Variants in SLC35F3 observed in about 807,000 individuals in gnomAD.
SLC35F3 encodes solute carrier family 35 member F3, also known as putative thiamine transporter SLC35F3.
In SLC35F3, 25 loss-of-function variants were observed where a neutral mutation model predicts 49.9. That is an observed-to-expected ratio of 0.50 (90% confidence interval 0.37 to 0.70). SLC35F3 has a LOEUF of 0.70. SLC35F3 is among the 30% of genes least tolerant of loss of function. The pLI is 0.00. For missense variants in SLC35F3, 525 were observed against 639.8 expected (o/e 0.82, Z 1.94); for synonymous variants, 275 against 265.4 (o/e 1.04, Z -0.35).
chr1:234,151,572 T>A (rs1572071165), intron 2 of SLC35F3, among the ~76,000 whole-genome samples: 1 of 147,618 alleles, frequency 6.8e-6, no homozygotes. Context: ...AACTCAGAAA[T>A]GAGGAAAGAG....
At chr1:233,988,063 T>A (rs1663294300) in intron 2 of SLC35F3, among the ~76,000 whole-genome samples, 1 of 152,216 alleles carries the variant, frequency 6.6e-6, no homozygotes, top group East Asian at 1.9e-4. Context: ...TCCTCTCATG[T>A]CTGTGATTTT....
chr1:234,191,629 CA>C (rs923805164), intron 2 of SLC35F3, among the ~76,000 whole-genome samples: 3 of 127,820 alleles, frequency 2.3e-5, no homozygotes, highest in African/African-American at 8.7e-5. Context: ...GAAACAACAA[CA>C]AAAAAAAATA....
intron 2 of SLC35F3, among the ~76,000 whole-genome samples, chr1:233,940,041 T>C (rs1662395769): frequency 6.6e-6 from 1 of 152,184 alleles, no homozygotes; most frequent in South Asian, 2.1e-4. Flanking sequence ...CCACTATTTA[T>C]ATATTGGGAT....
At chr1:234,264,325 C>T (rs958627932) in intron 3 of SLC35F3, among the ~76,000 whole-genome samples, 1 of 152,202 alleles carries the variant, frequency 6.6e-6, no homozygotes, top group Non-Finnish European at 1.5e-5. Context: ...ATGTTCATCG[C>T]TCATTATAAT....
intron 2 of SLC35F3, among the ~76,000 whole-genome samples, chr1:233,933,035 TAAAAA>T (rs59669736): frequency 7.4e-6 from 1 of 134,944 alleles, no homozygotes; most frequent in Non-Finnish European, 1.6e-5. Context: ...GCTATTTAAG[TAAAAA>T]AAAAAAAAAA....
intron 2 of SLC35F3, among the ~76,000 whole-genome samples, chr1:234,181,835 T>C: frequency 6.6e-6 from 1 of 152,254 alleles, no homozygotes; most frequent in East Asian, 1.9e-4. Flanking sequence ...TGGTTCTGTG[T>C]ATTTTCATCA....
intron 2 of SLC35F3, among the ~76,000 whole-genome samples, chr1:234,122,633 C>T (rs572034200): frequency 1.3e-5 from 2 of 152,216 alleles, no homozygotes; most frequent in Admixed American, 6.5e-5. Context: ...CCCCATGGCC[C>T]AACAGGCCTC....
intron 2 of SLC35F3, among the ~76,000 whole-genome samples, chr1:234,170,568 C>T (rs975310860): frequency 1.6e-4 from 25 of 151,826 alleles, no homozygotes; most frequent in African/African-American, 5.6e-4. Flanking sequence ...CTCCCAGAAG[C>T]AAACGACTCA....
chr1:234,265,922 C>G (rs570557418), intron 3 of SLC35F3, among the ~76,000 whole-genome samples: 1 of 152,244 alleles, frequency 6.6e-6, no homozygotes, highest in South Asian at 2.1e-4. Context: ...CTCCATGGCT[C>G]TTCCCATGAC....
rs149103775 is a variant in SLC35F3 at position 233,944,891 on chromosome 1, C to T, written c.283+39133C>T. 3.8e-3 allele frequency among the ~76,000 whole-genome samples: 580 copies of T among 152,172 alleles called. 1 individual carries two copies. Among genetic ancestry groups the T allele is most frequent in the Non-Finnish European group, 7.2e-3 (490 of 68,000 alleles). ...GACGGAAGGGACCATGGCAACATTC[C>T]TTAGTTAAATGACACCGATGGAACC... On this transcript the variant is annotated intron_variant, in intron 2 of 7. Coordinates refer to ENST00000366618, the MANE Select transcript of SLC35F3 (RefSeq NM_173508.4).
At chr1:233,964,575 T>G (rs1422699079) in intron 2 of SLC35F3, among the ~76,000 whole-genome samples, 1 of 152,192 alleles carries the variant, frequency 6.6e-6, no homozygotes. Context: ...AGGAGGCGAA[T>G]CAGGGTGTTA....
intron 2 of SLC35F3, among the ~76,000 whole-genome samples, chr1:233,908,862 A>G (rs759661758): frequency 4.1e-5 from 6 of 146,964 alleles, no homozygotes; most frequent in Admixed American, 6.9e-5. Context: ...CCCAAATAAT[A>G]GTATTTTTTT....
chr1:234,071,905 T>C (rs536314495), intron 2 of SLC35F3, among the ~76,000 whole-genome samples: 4 of 152,202 alleles, frequency 2.6e-5, no homozygotes, highest in Non-Finnish European at 5.9e-5. Flanking sequence ...TCAATAAAGT[T>C]TCATTATATC....
intron 2 of SLC35F3, among the ~76,000 whole-genome samples, chr1:233,997,384 G>C (rs905446519): frequency 1.3e-5 from 2 of 152,092 alleles, no homozygotes; most frequent in African/African-American, 2.4e-5. Flanking sequence ...ATGAAAAAAG[G>C]GTTTCCTTTT....
At chr1:234,120,779 C>G (rs758375309) in intron 2 of SLC35F3, among the ~76,000 whole-genome samples, 2 of 152,242 alleles carry the variant, frequency 1.3e-5, no homozygotes, top group African/African-American at 4.8e-5. Flanking sequence ...CTGCCAGACA[C>G]TCCAATCTGT....
rs142045538 is a variant in SLC35F3, at chr1:234,093,034, G to A, written c.284-138383G>A. 3.0e-3 allele frequency among the ~76,000 whole-genome samples: 458 copies of A among 152,268 alleles called. 1 individual carries two copies. Among genetic ancestry groups the A allele is most frequent in the African/African-American group, 0.01 (426 of 41,548 alleles). ...CGAAGTGGGTGAAGTCTGACGTCTTGGCTTGGCTTTGCCACATAGAGTGTC... is the reference window on the plus strand; with the variant it reads ...CGAAGTGGGTGAAGTCTGACGTCTTAGCTTGGCTTTGCCACATAGAGTGTC... On this transcript the variant is annotated intron_variant, in intron 2 of 7. Transcript: ENST00000366618.
intron 2 of SLC35F3, among the ~76,000 whole-genome samples, chr1:234,155,423 T>TTATTA (rs1558244564): frequency 2.7e-5 from 3 of 112,802 alleles, no homozygotes; most frequent in African/African-American, 1.5e-4. Flanking sequence ...TATTATTATT[T>TTATTA]TTGAGAGACA....
At chr1:233,935,116 G>A (rs1416230772) in intron 2 of SLC35F3, among the ~76,000 whole-genome samples, 3 of 142,934 alleles carry the variant, frequency 2.1e-5, no homozygotes, top group South Asian at 4.8e-4. Context: ...TCATTCTGGT[G>A]AAACCAGGTT....
chr1:234,286,312 GC>G (rs1668418915), intron 3 of SLC35F3, among the ~76,000 whole-genome samples: 2 of 151,954 alleles, frequency 1.3e-5, no homozygotes, highest in African/African-American at 4.8e-5. Flanking sequence ...GGAAAGAAGG[GC>G]CAAATAGAAC....
Sources: allele counts gnomAD v4.1 joint callset (sites outside exome capture counted in the v4.1 genomes callset), GRCh38; gene constraint gnomAD v4.1.1; transcripts MANE v1.5; gene names NCBI Gene and HGNC (gene_info 2026-07-23, HGNC 2026-07-21).